NLRC5: variants seen among roughly 807,000 people sequenced by gnomAD.
NLRC5 encodes the protein NLR family CARD domain containing 5.
Under a neutral mutation model 206.9 loss-of-function variants are expected in NLRC5, and 114 were observed. The ratio of observed to expected loss-of-function variants is 0.55; its 90% CI spans 0.47 to 0.64. NLRC5 has a LOEUF of 0.64. NLRC5 is among the 30% of genes least tolerant of loss of function. The pLI is 0.00. For synonymous variants in NLRC5, 952 were observed against 962.8 expected, an observed-to-expected ratio of 0.99 and a Z score of 0.21; for missense variants, 2,008 against 2,305.5, an observed-to-expected ratio of 0.87 and a Z score of 2.64.
In NLRC5 at chr16:57,026,803, T is replaced by A. The variant is rs147636120; in HGVS notation, c.1860T>A (p.Asp620Glu). The A allele has an allele frequency of 2.3e-5, 37 of 1,613,946 alleles. No individual in the cohort carries two copies. The African/African-American group carries it at 4.8e-4, about 21-fold the overall frequency. Residue 620 changes from aspartate to glutamate, a missense_variant, in exon 6 of 49, where the codon GAT (aspartate) becomes GAA (glutamate). Asp to Glu is a conservative substitution (Grantham distance 45). Coordinates refer to ENST00000688547, the MANE Select transcript of NLRC5 (RefSeq NM_001384950.1). ...TTGTAGAGCTGTGTCACTGTGTGGA[T>A]GAGACACAGGAGCCTGAGCTGGCCA... ...PKVVELCHCV[D>E]ETQEPELASL... is the part of the protein sequence containing the mutation.
chr16:57,042,618 C>T (rs2063425103), intron 19 of NLRC5, among the ~76,000 whole-genome samples: 1 of 152,198 alleles, frequency 6.6e-6, no homozygotes, highest in Non-Finnish European at 1.5e-5. Flanking sequence ...ACCCCCTCCT[C>T]CCAGGCACTT....
intron 32 of NLRC5, 30 bp downstream of exon 32, chr16:57,061,731 G>A (rs770734336): frequency 6.3e-7 from 1 of 1,587,212 alleles, no homozygotes; most frequent in South Asian, 1.1e-5. Context: ...CTCCGGGAGG[G>A]GCCATGGCAT....
chr16:57,061,361 C>T (rs2066454697), intron 30 of NLRC5, 87 bp from the exon 31 acceptor site: 2 of 1,333,550 alleles, frequency 1.5e-6, no homozygotes, highest in Admixed American at 1.8e-5. Context: ...GATGCTCCCC[C>T]AATAGGCCCT....
chr16:57,028,901 T>C (rs1448194941), intron 8 of NLRC5, among the ~76,000 whole-genome samples: 4 of 152,208 alleles, frequency 2.6e-5, no homozygotes, highest in African/African-American at 9.7e-5. Flanking sequence ...ACTAAGCTTG[T>C]ATGCACAAAT....
At chr16:57,045,842 G>A (rs957523191) in intron 21 of NLRC5, among the ~76,000 whole-genome samples, 9 of 152,334 alleles carry the variant, frequency 5.9e-5, no homozygotes, top group East Asian at 1.9e-4. Context: ...TAGACCCACC[G>A]CTCCATACAT....
intron 38 of NLRC5, 61 bp downstream of exon 38, chr16:57,070,679 G>C: frequency 2.1e-6 from 3 of 1,398,020 alleles, no homozygotes; most frequent in East Asian, 2.3e-5. Flanking sequence ...GATGGTGGAA[G>C]TGGGTGAGTG....
rs978631358 is a variant in NLRC5, at chr16:57,030,089, G to T, written c.2417+5G>T. On this transcript the variant is annotated splice_donor_5th_base_variant and intron_variant, in intron 10 of 48. Coordinates refer to ENST00000688547, the MANE Select transcript of NLRC5 (RefSeq NM_001384950.1). ...CGTCAGGATGCTTCAGGCCAGGTGAGCAGAAGGAAAGGGATCTTGGCCTTA... is the reference window on the plus strand; with the variant it reads ...CGTCAGGATGCTTCAGGCCAGGTGATCAGAAGGAAAGGGATCTTGGCCTTA... 6.2e-7 allele frequency: 1 copy of T among 1,613,186 alleles called. No individual in the cohort carries two copies.
chr16:57,067,499 C>T, intron 35 of NLRC5, 29 bp downstream of exon 35: 1 of 1,603,808 alleles, frequency 6.2e-7, no homozygotes. Flanking sequence ...TGTGTGGGGC[C>T]CTGAGTTCTC....
At chr16:57,070,402 A>C (rs1313122403) in intron 37 of NLRC5, 133 bp from the exon 38 acceptor site, 1 of 707,316 alleles carries the variant, frequency 1.4e-6, no homozygotes, top group African/African-American at 1.8e-5. Flanking sequence ...CTGGACAGCG[A>C]GGGTGGCCCA....
Position 57,036,172 on chromosome 16 carries a change from C to T in NLRC5, c.2700C>T (p.Ala900=). The part of the protein sequence containing the change: ...MAEAASQLHI[A]RKLDLSNNGL... ...AGGCTGCATCCCAGCTGCACATCGC[C>T]AGGAAGCTGGAGTGAGTTGTCCACC... The change falls in exon 14 of 49, where the codon GCC becomes GCT. Residue 900 remains alanine, a synonymous_variant. Coordinates refer to ENST00000688547, the MANE Select transcript of NLRC5 (RefSeq NM_001384950.1). 1 of 1,613,264 alleles carries T rather than the reference C, an allele frequency of 6.2e-7. No homozygotes were observed. The highest frequency in any genetic ancestry group is 8.5e-7 in the Non-Finnish European group (1 of 1,179,896).
intron 22 of NLRC5, among the ~76,000 whole-genome samples, chr16:57,047,296 G>A (rs943525561): frequency 7.9e-5 from 12 of 152,166 alleles, no homozygotes; most frequent in Middle Eastern, 3.4e-3. Context: ...TGGAGGGGGC[G>A]GTGGGGAGGA....
At chr16:57,066,255 C>T (rs966203118) in intron 33 of NLRC5, among the ~76,000 whole-genome samples, 4 of 151,722 alleles carry the variant, frequency 2.6e-5, no homozygotes, top group East Asian at 3.9e-4. Context: ...GAGCTATGAT[C>T]GTGCCCACCA....
chr16:57,028,188 C>A, intron 7 of NLRC5, 33 bp downstream of exon 7: 1 of 1,593,600 alleles, frequency 6.3e-7, no homozygotes, highest in Non-Finnish European at 8.6e-7. Context: ...GAAGGGTCTT[C>A]AGCTGGGGAT....
chr16:57,007,414 T>A (rs2059033860), intron 1 of NLRC5, among the ~76,000 whole-genome samples: 1 of 152,222 alleles, frequency 6.6e-6, no homozygotes, highest in Non-Finnish European at 1.5e-5. Flanking sequence ...AGCTTGAACA[T>A]CTTTTCATAT....
chr16:57,025,910 C>G lies in NLRC5; in HGVS notation c.967C>G (p.Pro323Ala). 1 of 1,614,216 alleles carries G rather than the reference C, an allele frequency of 6.2e-7. No homozygotes were observed. Among genetic ancestry groups the G allele is most frequent in the Non-Finnish European group, 8.5e-7 (1 of 1,180,038 alleles). The stretch of plus-strand genomic sequence containing the variant: ...GCCTATGGGTCCTGATGGCCCAGGC[C>G]CAGTCCTCACCCTTTTCTCCCATCT... ...LQPMGPDGPG[P>A]VLTLFSHLCN... Residue 323 changes from proline to alanine, a missense_variant, in exon 6 of 49, where the codon CCA becomes GCA. Pro to Ala is a conservative substitution (Grantham distance 27). Transcript: ENST00000688547.
intron 1 of NLRC5, among the ~76,000 whole-genome samples, chr16:56,996,676 TG>T (rs1312034162): frequency 1.3e-5 from 2 of 152,342 alleles, no homozygotes; most frequent in Non-Finnish European, 2.9e-5. Context: ...GGTGAGTTTG[TG>T]GGGGAAATTT....
In NLRC5 at chr16:57,074,679, C is replaced by T. The variant is rs2068138575; in HGVS notation, c.4747C>T (p.Leu1583Phe). The T allele has an allele frequency of 6.2e-7, 1 of 1,613,602 alleles. No homozygotes were observed. The highest frequency in any genetic ancestry group is 1.3e-5 in the African/African-American group (1 of 74,914). ...AAGCCAGATGACCTGCCTGCAGAGC[C>T]TCAGGTGAGTGACCGAGCGGCCCCA... is the stretch of plus-strand genomic sequence containing the variant. ...RLSQMTCLQS[L>F]RLNRNSIGDV... is the part of the protein sequence containing the mutation. The change falls in exon 39 of 49, where the codon CTC becomes TTC. Residue 1583 changes from leucine to phenylalanine, a missense_variant. By Grantham distance (22) the Leu-to-Phe change is conservative. Transcript: ENST00000688547.
intron 32 of NLRC5, among the ~76,000 whole-genome samples, chr16:57,064,249 G>T (rs1286834995): frequency 6.6e-6 from 1 of 152,022 alleles, no homozygotes. Context: ...GTTGAAATGT[G>T]CAGAAAATCC....
In NLRC5 at chr16:57,078,033, C is replaced by T. The variant is rs572124475; in HGVS notation, c.5081+13C>T. The T allele has an allele frequency of 1.5e-5, 24 of 1,577,552 alleles. No individual in the cohort carries two copies. The African/African-American group carries it at 2.3e-4, about 15-fold the overall frequency. ...TGAGGGTCCTACAGTGAGTGGCCCC[C>T]TGCCCATACCATGCAGGGCTGGTGG... On this transcript the variant is annotated intron_variant, in intron 43 of 48. Coordinates refer to ENST00000688547, the MANE Select transcript of NLRC5 (RefSeq NM_001384950.1).
Sources: gnomAD v4.1 joint callset for allele counts (sites outside exome capture counted in the v4.1 genomes callset) on GRCh38, gnomAD v4.1.1 for gene constraint, MANE v1.5 for transcripts, NCBI Gene and HGNC (gene_info 2026-07-23, HGNC 2026-07-21) for gene names.